The following SLC25A26 variants were observed in gnomAD, a reference collection of about 807,000 sequenced individuals.
SLC25A26 encodes the protein solute carrier family 25 member 26.
Under a neutral mutation model 37.8 loss-of-function variants are expected in SLC25A26, and 36 were observed. The observed-to-expected ratio is 0.95, with a 90% CI of 0.73 to 1.26. SLC25A26 has a LOEUF of 1.26. Ranked by LOEUF, SLC25A26 falls within the 50% of genes most tolerant of loss-of-function variation. The probability of loss-of-function intolerance (pLI) is 0.00; values close to 1 mark genes in which losing one functional copy is unlikely to be tolerated. For missense variants in SLC25A26, 390 were observed against 331.1 expected (o/e 1.18, Z -1.38); for synonymous variants, 129 against 122.5 (o/e 1.05, Z -0.35).
chr3:66,247,275 A>G (rs1289125269), intron 3 of SLC25A26, among the ~76,000 whole-genome samples: 7 of 150,634 alleles, frequency 4.6e-5, no homozygotes, highest in Non-Finnish European at 1.0e-4. Context: ...AAATATATAT[A>G]TATATGCACA....
At chr3:66,314,678 C>G (rs1419010391) in intron 5 of SLC25A26, among the ~76,000 whole-genome samples, 1 of 151,814 alleles carries the variant, frequency 6.6e-6, no homozygotes, top group Non-Finnish European at 1.5e-5. Flanking sequence ...GTTTGGAATA[C>G]TTTTAGAAGA....
Position 66,324,796 on chromosome 3 carries a change from G to GGT in SLC25A26, c.454-21567_454-21566dup, listed in dbSNP as rs201033644. Among the ~76,000 whole-genome samples, 439 of 118,884 alleles carry GGT rather than the reference G, an allele frequency of 3.7e-3. 4 individuals are homozygous for GGT. Among genetic ancestry groups the GGT allele is most frequent in the East Asian group, 0.03 (77 of 2,542 alleles). 78.0% of individuals were successfully genotyped at this position (118,884 alleles called of 152,430 possible). ...TTATTAAAGTTCTTTTGTAAGCACA[G>GGT]GTTTTTTTTTTTGGCTTTTTTTGCC... On this transcript the variant is annotated intron_variant, in intron 5 of 9. Coordinates refer to ENST00000354883, the MANE Select transcript of SLC25A26 (RefSeq NM_001379210.1).
At chr3:66,329,157 G>A (rs182211287) in intron 5 of SLC25A26, among the ~76,000 whole-genome samples, 55 of 152,136 alleles carry the variant, frequency 3.6e-4, no homozygotes, top group Non-Finnish European at 6.5e-4. Context: ...ATATTAAGTC[G>A]GTGGCCCTTT....
upstream of SLC25A26, chr3:66,220,975 G>T (rs975595946): frequency 2.7e-5 from 29 of 1,083,224 alleles, no homozygotes; most frequent in African/African-American, 4.4e-4. Context: ...GTGGTTCTAC[G>T]TCACGTGGTC....
chr3:66,331,071 T>G (rs2075962833), intron 5 of SLC25A26, among the ~76,000 whole-genome samples: 2 of 152,054 alleles, frequency 1.3e-5, no homozygotes, highest in South Asian at 4.1e-4. Flanking sequence ...TTATTTAAAG[T>G]GCTTATTAAT....
upstream of SLC25A26, among the ~76,000 whole-genome samples, chr3:66,216,836 T>G (rs1312296198): frequency 6.6e-6 from 1 of 152,120 alleles, no homozygotes; most frequent in Non-Finnish European, 1.5e-5. Flanking sequence ...AAATGAAAGA[T>G]TTGAGAACAT....
chr3:66,372,968 G>A (rs779564942), intron 9 of SLC25A26, among the ~76,000 whole-genome samples: 6 of 152,160 alleles, frequency 3.9e-5, no homozygotes, highest in Non-Finnish European at 7.3e-5. Flanking sequence ...GTCAAGTGGC[G>A]ACCACTTTTA....
At chr3:66,165,027 G>A (rs2070407094) in intron 1 of SLC25A26, among the ~76,000 whole-genome samples, 2 of 152,190 alleles carry the variant, frequency 1.3e-5, no homozygotes, top group South Asian at 4.1e-4. Flanking sequence ...ACTAATAGAA[G>A]TGACAGTATG....
chr3:66,343,323 C>T (rs1004984257), intron 5 of SLC25A26, among the ~76,000 whole-genome samples: 2 of 152,168 alleles, frequency 1.3e-5, no homozygotes, highest in Admixed American at 6.5e-5. Flanking sequence ...GAAAAATTTT[C>T]ACACAGGAAT....
At chr3:66,183,308 C>G (rs1188429625) in intron 1 of SLC25A26, among the ~76,000 whole-genome samples, 4 of 152,016 alleles carry the variant, frequency 2.6e-5, no homozygotes, top group African/African-American at 9.7e-5. Flanking sequence ...TACCATGACT[C>G]TCAGCTATGC....
intron 5 of SLC25A26, among the ~76,000 whole-genome samples, chr3:66,313,701 T>A (rs1054264390): frequency 6.6e-6 from 1 of 152,206 alleles, no homozygotes; most frequent in African/African-American, 2.4e-5. Flanking sequence ...ATCTATAAAT[T>A]ACTTAGGGTG....
chr3:66,150,909 C>T (rs1576597524), intron 1 of SLC25A26, among the ~76,000 whole-genome samples: 1 of 151,822 alleles, frequency 6.6e-6, no homozygotes, highest in South Asian at 2.1e-4. Context: ...TACTGTCTTT[C>T]CTTTGGGGTC....
chr3:66,139,034 T>C (rs774895273), intron 1 of SLC25A26, among the ~76,000 whole-genome samples: 1 of 150,352 alleles, frequency 6.7e-6, no homozygotes, highest in Non-Finnish European at 1.5e-5. Context: ...ACCCCTCCTG[T>C]CCTCCTCCCC....
intron 1 of SLC25A26, among the ~76,000 whole-genome samples, chr3:66,184,521 C>T (rs1316504126): frequency 9.2e-6 from 1 of 108,740 alleles, no homozygotes; most frequent in Non-Finnish European, 2.1e-5. Context: ...TACTTCACCA[C>T]TACCCTAACA....
chr3:66,200,795 A>C (rs1038292091), intron 1 of SLC25A26, among the ~76,000 whole-genome samples: 3,434 of 152,302 alleles, frequency 0.023, 128 homozygotes, highest in African/African-American at 0.078. Flanking sequence ...TTACTTACAG[A>C]GGTGGTATAA....
chr3:66,279,763 G>T (rs2074275372), intron 5 of SLC25A26, among the ~76,000 whole-genome samples: 1 of 152,146 alleles, frequency 6.6e-6, no homozygotes, highest in African/African-American at 2.4e-5. Flanking sequence ...ATTGATCTGT[G>T]GGAGTCTTAC....
At position 66,229,775 on chromosome 3, in the gene SLC25A26, C is replaced by T. The variant is rs924283095; in HGVS notation, c.34-6769C>T. Among the ~76,000 whole-genome samples the T allele has an allele frequency of 2.0e-5, 3 of 152,098 alleles. No individual in the cohort carries two copies. In the South Asian group the frequency reaches 6.2e-4, roughly 32 times the overall value. On this transcript the variant is annotated intron_variant, in intron 1 of 9. Transcript: ENST00000354883. ...GGCAAAGCTGTGTTCTTAGGCAATA[C>T]TTAATTTGAAAGAATTCCTGGAGAA... is the stretch of plus-strand genomic sequence containing the variant.
chr3:66,242,016 C>T (rs186697313), intron 2 of SLC25A26, among the ~76,000 whole-genome samples: 55 of 152,022 alleles, frequency 3.6e-4, no homozygotes, highest in Middle Eastern at 3.4e-3. Flanking sequence ...CCTGACTGTA[C>T]TGACATTTGC....
At position 66,288,441 on chromosome 3, in the gene SLC25A26, TTAAG is replaced by T. The variant is rs568868789; in HGVS notation, c.453+25065_453+25068del. Among the ~76,000 whole-genome samples the T allele has an allele frequency of 1.5e-4, 23 of 152,252 alleles. No individual in the cohort carries two copies. In the East Asian group the frequency reaches 2.7e-3, roughly 18 times the overall value. Reference sequence around the variant, plus strand: ...TGCAACCATCAACCCGTCTTATACATTAAGTATTTATCCTGATGCTATCCCTCCT... The same window carrying T: ...TGCAACCATCAACCCGTCTTATACATTATTTATCCTGATGCTATCCCTCCT... On this transcript the variant is annotated intron_variant, in intron 5 of 9. Transcript: ENST00000354883.
Sources: gnomAD v4.1 joint callset for allele counts (sites outside exome capture counted in the v4.1 genomes callset) on GRCh38, gnomAD v4.1.1 for gene constraint, MANE v1.5 for transcripts, NCBI Gene and HGNC (gene_info 2026-07-23, HGNC 2026-07-21) for gene names.